IL31RA: variants seen among roughly 807,000 people sequenced by gnomAD.
The protein encoded by IL31RA is interleukin 31 receptor A.
A neutral mutation model predicts 83.7 loss-of-function variants in IL31RA; 66 were observed. That is an observed-to-expected ratio of 0.79 (90% confidence interval 0.65 to 0.97). The LOEUF is 0.97. Among genes scored for constraint, IL31RA ranks in the 50% least tolerant of loss-of-function variants. The pLI is 0.00. For missense variants in IL31RA, 798 were observed against 919.4 expected (o/e 0.87, Z 1.71); for synonymous variants, 325 against 329.0 (o/e 0.99, Z 0.13).
At chr5:55,888,217 T>A (rs899181295) in intron 5 of IL31RA, among the ~76,000 whole-genome samples, 9 of 152,212 alleles carry the variant, frequency 5.9e-5, no homozygotes, top group African/African-American at 1.9e-4. Flanking sequence ...TTCCATTGCC[T>A]GTGCAGAGTT....
chr5:55,845,502 TC>T, the IL31RA span, among the ~76,000 whole-genome samples: 3 of 79,124 alleles, frequency 3.8e-5, no homozygotes, highest in African/African-American at 1.2e-4. Flanking sequence ...ATCCTTGTAA[TC>T]CCCACGTCAA....
At chr5:55,844,039 G>A in the IL31RA span, among the ~76,000 whole-genome samples, 3 of 152,000 alleles carry the variant, frequency 2.0e-5, no homozygotes, top group South Asian at 4.2e-4. Flanking sequence ...TTAGAATCAT[G>A]GGGTACATGT....
chr5:55,910,455 TC>T, intron 11 of IL31RA, 76 bp from the exon 12 acceptor site: 1 of 1,531,740 alleles, frequency 6.5e-7, no homozygotes, highest in Non-Finnish European at 9.0e-7. Context: ...GTTCCAATGC[TC>T]TTATTTTGGT....
chr5:55,864,900 C>T (rs1745946539), intron 2 of IL31RA, among the ~76,000 whole-genome samples: 1 of 152,048 alleles, frequency 6.6e-6, no homozygotes, highest in African/African-American at 2.4e-5. Flanking sequence ...CCGCACACTA[C>T]ACACACACCC....
chr5:55,851,560 C>T lies in IL31RA; in HGVS notation c.-11C>T. On this transcript the variant is annotated 5_prime_UTR_variant, in exon 1 of 15. Transcript: ENST00000652347. ...AAGGCAGAGTGTCAGCTTGTTCCAC[C>T]TCAGCTGGGAATGTGCATCAGGCAA... 1 of 1,613,972 alleles carries T rather than the reference C, an allele frequency of 6.2e-7. No individual in the cohort carries two copies. The highest frequency in any genetic ancestry group is 8.5e-7 in the Non-Finnish European group (1 of 1,179,906).
At chr5:55,873,873 T>C (rs1746679701) in intron 4 of IL31RA, among the ~76,000 whole-genome samples, 1 of 152,084 alleles carries the variant, frequency 6.6e-6, no homozygotes, top group Admixed American at 6.6e-5. Context: ...ATGGTTAAGG[T>C]AGAAAAATAT....
rs113865955 is a variant in IL31RA at position 55,903,823 on chromosome 5, G to A, written c.1070-2283G>A. ...GGTGGGCTTTCAGGGCTGCCAAAAC[G>A]AAGCACTGCAGACTGGGGGGCTTCA... On this transcript the variant is annotated intron_variant, in intron 8 of 14. Transcript: ENST00000652347. The surrounding 1 kb of genome is among the most constrained non-coding windows in gnomAD (Gnocchi z 4.7). Among the ~76,000 whole-genome samples, 1 of 152,208 alleles carries A rather than the reference G, an allele frequency of 6.6e-6. No homozygotes were observed. The highest frequency in any genetic ancestry group is 1.5e-5 in the Non-Finnish European group (1 of 68,016).
chr5:55,908,420 G>A lies in IL31RA; in HGVS notation c.1501+9G>A, dbSNP rs373441093. On this transcript the variant is annotated intron_variant, in intron 11 of 14. Coordinates refer to ENST00000652347, the MANE Select transcript of IL31RA (RefSeq NM_139017.7). The stretch of plus-strand genomic sequence containing the variant: ...AGGTGGAAAAGGATTCTGTAAGCAC[G>A]CCCATAGCGAAGTGGAAAAAAACCC... The A allele has an allele frequency of 4.8e-4, 772 of 1,614,172 alleles. No individual in the cohort carries two copies. Among genetic ancestry groups the A allele is most frequent in the Non-Finnish European group, 6.0e-4 (710 of 1,180,046 alleles).
At chr5:55,866,362 A>AG (rs1231713606) in intron 2 of IL31RA, among the ~76,000 whole-genome samples, 1 of 151,866 alleles carries the variant, frequency 6.6e-6, no homozygotes, top group Admixed American at 6.6e-5. Context: ...TTCCATGGAC[A>AG]GGGGGTGGGG....
At chr5:55,897,427 G>A (rs1183803550) in intron 7 of IL31RA, among the ~76,000 whole-genome samples, 3 of 152,082 alleles carry the variant, frequency 2.0e-5, no homozygotes, top group Non-Finnish European at 2.9e-5. Context: ...TGGAGGAAAC[G>A]ATCACTGACC....
intron 14 of IL31RA, among the ~76,000 whole-genome samples, chr5:55,915,397 C>T (rs1285218427): frequency 2.6e-5 from 4 of 152,132 alleles, no homozygotes; most frequent in Non-Finnish European, 4.4e-5. Context: ...AGGCTGGGGA[C>T]GTCAGAGTCA....
chr5:55,908,274 A>C lies in IL31RA; in HGVS notation c.1364A>C (p.Glu455Ala), dbSNP rs1481096538. The C allele has an allele frequency of 6.2e-7, 1 of 1,614,170 alleles. No individual in the cohort carries two copies. Among genetic ancestry groups the C allele is most frequent in the Non-Finnish European group, 8.5e-7 (1 of 1,180,030 alleles). Residue 455 changes from glutamate (E) to alanine (A), a missense_variant, in exon 11 of 15, where the codon GAA (glutamate) becomes GCA (alanine). By Grantham distance (107) the Glu-to-Ala change is moderately radical. Coordinates refer to ENST00000652347, the MANE Select transcript of IL31RA (RefSeq NM_139017.7). ...CCTCTGTCCTTTCCAGTTCCATCAG[A>C]AGGTCCTGAGACCAAGGTGGAGAAC... is the stretch of plus-strand genomic sequence containing the variant. ...QAYAKEGVPS[E>A]GPETKVENIG...
At chr5:55,864,730 C>A (rs1476250796) in intron 2 of IL31RA, among the ~76,000 whole-genome samples, 2 of 151,158 alleles carry the variant, frequency 1.3e-5, no homozygotes, top group African/African-American at 4.9e-5. Context: ...ACCACACATA[C>A]CCTGCACACA....
chr5:55,842,653 C>T, the IL31RA span, among the ~76,000 whole-genome samples: 2 of 152,344 alleles, frequency 1.3e-5, no homozygotes, highest in East Asian at 1.9e-4. Context: ...CCTCTGACAA[C>T]ACTTGCCATT....
the IL31RA span, chr5:55,839,823 A>T: frequency 1.3e-6 from 1 of 758,518 alleles, no homozygotes; most frequent in Non-Finnish European, 2.5e-6. Context: ...TTCAGGGCCA[A>T]TTTGACTTCA....
chr5:55,851,695 GA>G, intron 1 of IL31RA, 62 bp downstream of exon 1: 4 of 1,613,538 alleles, frequency 2.5e-6, no homozygotes, highest in Non-Finnish European at 3.4e-6. Flanking sequence ...CACAAATAAG[GA>G]AGCTGTGAGT....
intron 5 of IL31RA, among the ~76,000 whole-genome samples, chr5:55,883,893 T>TA (rs1747420340): frequency 6.6e-6 from 1 of 152,248 alleles, no homozygotes; most frequent in Non-Finnish European, 1.5e-5. Context: ...ATGTTTGGCT[T>TA]CTATCTCTCA....
In IL31RA at chr5:55,910,626, T is replaced by C; in HGVS notation, c.1596T>C (p.Ala532=). ...TTCAGGTCATGGCCAGCACCAGTGCTGGGGGAACCAACGGGACCAGCATAA... is the reference window on the plus strand; with the variant it reads ...TTCAGGTCATGGCCAGCACCAGTGCCGGGGGAACCAACGGGACCAGCATAA... ...YIVQVMASTS[A]GGTNGTSINF... The change falls in exon 12 of 15, where the codon GCT becomes GCC. Residue 532 remains alanine (A), a synonymous_variant. Coordinates refer to ENST00000652347, the MANE Select transcript of IL31RA (RefSeq NM_139017.7). The C allele has an allele frequency of 6.2e-7, 1 of 1,614,160 alleles. No individual in the cohort carries two copies. Among genetic ancestry groups the C allele is most frequent in the Non-Finnish European group, 8.5e-7 (1 of 1,179,976 alleles).
chr5:55,918,822 A>G lies in IL31RA; in HGVS notation c.*1702A>G, dbSNP rs1031872648. ...CCCCCCCACCACCCACCCAGGACTC[A>G]GTACTCCTGGTTTACGGAACAGTGA... On this transcript the variant is annotated 3_prime_UTR_variant, in exon 15 of 15. Coordinates refer to ENST00000652347, the MANE Select transcript of IL31RA (RefSeq NM_139017.7). Among the ~76,000 whole-genome samples the G allele has an allele frequency of 6.6e-6, 1 of 151,688 alleles. No individual in the cohort carries two copies. The highest frequency in any genetic ancestry group is 1.5e-5 in the Non-Finnish European group (1 of 67,982).
Sources: gnomAD v4.1 joint callset for allele counts (sites outside exome capture counted in the v4.1 genomes callset) on GRCh38, gnomAD v4.1.1 for gene constraint, Gnocchi (gnomAD v3.1) non-coding constraint, MANE v1.5 for transcripts, NCBI Gene and HGNC (gene_info 2026-07-23, HGNC 2026-07-21) for gene names.